ATF7: variants seen among roughly 807,000 people sequenced by gnomAD.
The protein encoded by ATF7 is cyclic AMP-dependent transcription factor ATF-7.
A neutral mutation model predicts 50.4 loss-of-function variants in ATF7; 10 were observed. The observed-to-expected ratio is 0.20, with a 90% CI of 0.12 to 0.34. The LOEUF (loss-of-function observed/expected upper bound fraction) is 0.34. Among genes scored for constraint, ATF7 ranks in the 10% least tolerant of loss-of-function variants. ATF7 has a pLI of 1.00. For synonymous variants in ATF7, 201 were observed against 226.4 expected, an observed-to-expected ratio of 0.89 and a Z score of 1.01; for missense variants, 465 against 613.9, an observed-to-expected ratio of 0.76 and a Z score of 2.56.
downstream of ATF7, among the ~76,000 whole-genome samples, chr12:53,510,218 T>C (rs1341388304): frequency 6.6e-6 from 1 of 152,064 alleles, no homozygotes; most frequent in African/African-American, 2.4e-5. Flanking sequence ...TTTGTATTTT[T>C]AGTAGAGATG....
chr12:53,571,117 C>T (rs1941733696), intron 2 of ATF7, among the ~76,000 whole-genome samples: 1 of 151,976 alleles, frequency 6.6e-6, no homozygotes, highest in Admixed American at 6.6e-5. Context: ...TAGAAACACA[C>T]AGAGAGGAGA....
intron 2 of ATF7, among the ~76,000 whole-genome samples, chr12:53,587,843 A>ATATATATATATTTTT: frequency 3.1e-4 from 19 of 61,556 alleles, no homozygotes; most frequent in South Asian, 7.4e-4. Flanking sequence ...ATATATATAT[A>ATATATATATATTTTT]TTTTTTTTTT....
At chr12:53,602,642 A>G (rs1032108109) in intron 1 of ATF7, among the ~76,000 whole-genome samples, 1 of 152,226 alleles carries the variant, frequency 6.6e-6, no homozygotes, top group Non-Finnish European at 1.5e-5. Context: ...ATACATGTAC[A>G]TGGATTTATA....
intron 2 of ATF7, among the ~76,000 whole-genome samples, chr12:53,568,398 A>G (rs753665583): frequency 6.6e-6 from 1 of 152,028 alleles, no homozygotes; most frequent in Non-Finnish European, 1.5e-5. Context: ...TTACGCACAC[A>G]CACTCTCTCT....
intron 2 of ATF7, among the ~76,000 whole-genome samples, chr12:53,571,253 G>A (rs1267819208): frequency 6.6e-6 from 1 of 151,984 alleles, no homozygotes; most frequent in Non-Finnish European, 1.5e-5. Flanking sequence ...AGGAGGATAC[G>A]GTCCTCTTTA....
chr12:53,533,234 C>A lies in ATF7; in HGVS notation c.586G>T (p.Val196Phe), dbSNP rs1939012116. The change falls in exon 7 of 12, where the codon GTC becomes TTC. Residue 196 changes from valine to phenylalanine, a missense_variant. Physicochemically the swap from Val to Phe is conservative, Grantham distance 50. Coordinates refer to ENST00000420353, the MANE Select transcript of ATF7 (RefSeq NM_006856.3). ...MGSPTGSLPL[V>F]MHLANGQTMP... ...GTCTGTCCATTAGCAAGATGCATGA[C>A]AAGAGGGAGGGAGCCAGTGGGAGAC... 1 of 1,613,648 alleles carries A rather than the reference C, an allele frequency of 6.2e-7. No homozygotes were observed. The highest frequency in any genetic ancestry group is 8.5e-7 in the Non-Finnish European group (1 of 1,179,736).
chr12:53,534,803 G>T, intron 5 of ATF7, 144 bp from the exon 6 acceptor site: 1 of 961,468 alleles, frequency 1.0e-6, no homozygotes, highest in Non-Finnish European at 1.5e-6. Flanking sequence ...TCAGGATCAG[G>T]GACCCATAAC....
rs1030012115 is a variant in ATF7 at position 53,513,758 on chromosome 12, C to T, written c.*3379G>A. The T allele has an allele frequency of 1.3e-5, 2 of 152,004 alleles. No homozygotes were observed. The highest frequency in any genetic ancestry group is 4.8e-5 in the African/African-American group (2 of 41,362). The allele number at this position is 152,004 out of a possible 1,614,324, so 9.4% of individuals were successfully genotyped here. On this transcript the variant is annotated 3_prime_UTR_variant, in exon 12 of 12. Transcript: ENST00000420353. Reference sequence around the variant, plus strand: ...AGCCTCTCAGTGTGGAGCAGGGGAGCCCCAGAAACCACAGGAAGAATTTTT... The same window carrying T: ...AGCCTCTCAGTGTGGAGCAGGGGAGTCCCAGAAACCACAGGAAGAATTTTT...
intron 2 of ATF7, among the ~76,000 whole-genome samples, chr12:53,579,015 G>C (rs1039169564): frequency 3.9e-5 from 6 of 152,068 alleles, no homozygotes; most frequent in Non-Finnish European, 7.4e-5. Flanking sequence ...GCCTGAGGCA[G>C]GCAGATCACC....
intron 3 of ATF7, among the ~76,000 whole-genome samples, chr12:53,550,273 G>T (rs559109857): frequency 5.0e-4 from 74 of 149,110 alleles, no homozygotes; most frequent in African/African-American, 1.8e-3. Context: ...GTGGTGAGCC[G>T]AGATTACGCC....
Position 53,517,166 on chromosome 12 carries a change from T to G in ATF7, c.1423A>C (p.Thr475Pro). 1 of 1,613,260 alleles carries G rather than the reference T, an allele frequency of 6.2e-7. No homozygotes were observed. The highest frequency in any genetic ancestry group is 1.1e-5 in the South Asian group (1 of 91,064). Residue 475 changes from threonine (T) to proline (P), a missense_variant, in exon 12 of 12, where the codon ACC (threonine) becomes CCC (proline). Transcript: ENST00000420353. ...CTGCCCGCAGACTGGGACTGTGGGGTCATGATTACATGCGATTGTATCGGC... is the reference window on the plus strand; with the variant it reads ...CTGCCCGCAGACTGGGACTGTGGGGGCATGATTACATGCGATTGTATCGGC... ...SMPIQSHVIM[T>P]PQSQSAGR
At chr12:53,606,498 T>C (rs1307860096) in intron 1 of ATF7, among the ~76,000 whole-genome samples, 1 of 152,280 alleles carries the variant, frequency 6.6e-6, no homozygotes, top group Admixed American at 6.5e-5. Flanking sequence ...TCCACCCGCC[T>C]TGGTCTCCCA....
chr12:53,587,843 A>ATATATATATATATATT, intron 2 of ATF7, among the ~76,000 whole-genome samples: 109 of 61,540 alleles, frequency 1.8e-3, no homozygotes, highest in Middle Eastern at 0.011. Flanking sequence ...ATATATATAT[A>ATATATATATATATATT]TTTTTTTTTT....
rs560688197 is a variant in ATF7, at chr12:53,607,093, G to T, written c.-21-6072C>A. 2.7e-4 allele frequency among the ~76,000 whole-genome samples: 41 copies of T among 152,238 alleles called. No individual in the cohort carries two copies. In the East Asian group the frequency reaches 7.5e-3, roughly 28 times the overall value. On this transcript the variant is annotated intron_variant, in intron 1 of 11. Transcript: ENST00000420353. The stretch of plus-strand genomic sequence containing the variant: ...GTATATATCCAGTAATGGGATGGCT[G>T]GGTCAAATGGTATTTCTAGTTCTAG...
intron 3 of ATF7, among the ~76,000 whole-genome samples, chr12:53,552,155 C>T: frequency 6.6e-6 from 1 of 152,176 alleles, no homozygotes; most frequent in East Asian, 1.9e-4. Flanking sequence ...GAGAAGCAAC[C>T]AGGCTAGATT....
At chr12:53,560,899 T>C (rs1370154860) in intron 2 of ATF7, among the ~76,000 whole-genome samples, 2 of 152,112 alleles carry the variant, frequency 1.3e-5, no homozygotes, top group African/African-American at 4.8e-5. Context: ...ACAGAATTGC[T>C]TTCTTTTAAT....
intron 3 of ATF7, among the ~76,000 whole-genome samples, chr12:53,546,932 A>AT (rs1048973909): frequency 1.4e-4 from 16 of 114,120 alleles, no homozygotes; most frequent in Non-Finnish European, 2.5e-4. Context: ...TAATTTTTGT[A>AT]TTTTTTTGTA....
chr12:53,523,348 A>C lies in ATF7; in HGVS notation c.1162T>G (p.Leu388Val). The change falls in exon 11 of 12, where the codon TTG (leucine) becomes GTG (valine). Residue 388 changes from leucine to valine, a missense_variant. Transcript: ENST00000420353. ...TTATGAGCTAACAGTAGCTGTTTCA[A>C]CTGGGCCACCTCATTGCGTAGTAAT... ...VTLLRNEVAQ[L>V]KQLLLAHKDC... 1 of 1,614,040 alleles carries C rather than the reference A, an allele frequency of 6.2e-7. No individual in the cohort carries two copies. The highest frequency in any genetic ancestry group is 1.1e-5 in the South Asian group (1 of 91,084).
At chr12:53,509,655 A>G (rs1944092296), downstream of ATF7, among the ~76,000 whole-genome samples, 1 of 151,744 alleles carries the variant, frequency 6.6e-6, no homozygotes, top group South Asian at 2.1e-4. Flanking sequence ...ACAGGCACAC[A>G]CCACTATGCC....
Sources: gnomAD v4.1 joint callset for allele counts (sites outside exome capture counted in the v4.1 genomes callset) on GRCh38, gnomAD v4.1.1 for gene constraint, MANE v1.5 for transcripts, NCBI Gene and HGNC (gene_info 2026-07-23, HGNC 2026-07-21) for gene names.